The following MEP1A variants were observed in gnomAD, a reference collection of about 807,000 sequenced individuals.
MEP1A encodes the protein N-benzoyl-L-tyrosyl-P-amino-benzoic acid hydrolase subunit alpha.
Under a neutral mutation model 84.5 loss-of-function variants are expected in MEP1A, and 68 were observed. The observed-to-expected ratio is 0.80, with a 90% CI of 0.66 to 0.98. The LOEUF (loss-of-function observed/expected upper bound fraction) is 0.98. MEP1A is among the 50% of genes least tolerant of loss of function. The pLI is 0.00. For synonymous variants in MEP1A, 337 were observed against 336.8 expected, an observed-to-expected ratio of 1.00 and a Z score of -0.01; for missense variants, 887 against 919.9, an observed-to-expected ratio of 0.96 and a Z score of 0.46.
intron 5 of MEP1A, among the ~76,000 whole-genome samples, 163 bp from the exon 6 acceptor site, chr6:46,809,257 C>A (rs1767432792): frequency 6.6e-6 from 1 of 152,086 alleles, no homozygotes; most frequent in Non-Finnish European, 1.5e-5. Flanking sequence ...TGTCCACAAC[C>A]AATTTTGCAG....
At chr6:46,797,790 TTCTCTTTCTTTCTTTCTTTC>T (rs1767080329) in intron 3 of MEP1A, among the ~76,000 whole-genome samples, 3 of 120,602 alleles carry the variant, frequency 2.5e-5, no homozygotes, top group Non-Finnish European at 3.5e-5. Context: ...CTTTCTTTCT[TTCTCTTTCTTTCTTTCTTTC>T]TTTCTTTCTT....
Position 46,835,441 on chromosome 6 carries a change from G to A in MEP1A, c.1976G>A (p.Gly659Asp). The change falls in exon 13 of 14, where the codon GGC becomes GAC. Residue 659 changes from glycine to aspartate, a missense_variant. Gly to Asp is a moderately conservative substitution (Grantham distance 94). Transcript: ENST00000230588. ...SRQKRSVENT[G>D]PLEDHNWPQY... is the part of the protein sequence containing the mutation. Reference sequence around the variant, plus strand: ...CAGAAGCGGTCGGTGGAGAACACAGGCCCCCTGGAGGACCATAACTGGCCA... The same window carrying A: ...CAGAAGCGGTCGGTGGAGAACACAGACCCCCTGGAGGACCATAACTGGCCA... The A allele has an allele frequency of 6.2e-7, 1 of 1,612,340 alleles. No individual in the cohort carries two copies. Among genetic ancestry groups the A allele is most frequent in the Non-Finnish European group, 8.5e-7 (1 of 1,179,274 alleles).
At chr6:46,810,139 A>T (rs181081867) in intron 6 of MEP1A, among the ~76,000 whole-genome samples, 5 of 151,954 alleles carry the variant, frequency 3.3e-5, no homozygotes, top group East Asian at 3.9e-4. Flanking sequence ...ATTTTTAAAA[A>T]TTTTTTAATT....
At chr6:46,805,076 C>T (rs1259196824) in intron 5 of MEP1A, among the ~76,000 whole-genome samples, 1 of 151,824 alleles carries the variant, frequency 6.6e-6, no homozygotes, top group African/African-American at 2.4e-5. Flanking sequence ...CTTGTTTAAT[C>T]ATTCTCTTCG....
chr6:46,831,360 T>G (rs1768070798), intron 10 of MEP1A, among the ~76,000 whole-genome samples: 2 of 152,192 alleles, frequency 1.3e-5, no homozygotes, highest in South Asian at 4.1e-4. Context: ...TATACAAACT[T>G]ACATGAAAAA....
chr6:46,837,684 A>G (rs930257575), intron 13 of MEP1A, among the ~76,000 whole-genome samples: 5 of 152,206 alleles, frequency 3.3e-5, no homozygotes, highest in African/African-American at 1.2e-4. Context: ...TTGCTCTCCT[A>G]GAAACCTGCA....
intron 9 of MEP1A, among the ~76,000 whole-genome samples, chr6:46,827,675 G>A (rs1406238368): frequency 6.6e-6 from 1 of 152,066 alleles, no homozygotes; most frequent in Non-Finnish European, 1.5e-5. Context: ...TTTGGAAGAG[G>A]GTAAAAGCTT....
chr6:46,827,335 T>A (rs1051759948), intron 9 of MEP1A, among the ~76,000 whole-genome samples: 6 of 152,240 alleles, frequency 3.9e-5, no homozygotes, highest in African/African-American at 1.4e-4. Flanking sequence ...AGATAATGCA[T>A]ACAAAGCCCC....
intron 3 of MEP1A, among the ~76,000 whole-genome samples, chr6:46,795,098 A>C (rs1171675272): frequency 1.3e-5 from 2 of 152,116 alleles, no homozygotes; most frequent in Non-Finnish European, 2.9e-5. Context: ...TTGCCTCACA[A>C]GGCTGAGTAA....
At chr6:46,799,693 C>A (rs910811509) in intron 5 of MEP1A, among the ~76,000 whole-genome samples, 3 of 152,144 alleles carry the variant, frequency 2.0e-5, no homozygotes, top group Non-Finnish European at 4.4e-5. Context: ...GAATATGTTA[C>A]ATTTTACTCA....
downstream of MEP1A, among the ~76,000 whole-genome samples, chr6:46,843,269 C>T (rs557719276): frequency 6.6e-6 from 1 of 152,270 alleles, no homozygotes; most frequent in African/African-American, 2.4e-5. Context: ...TGACAAATGT[C>T]CCCCTGAGGG....
chr6:46,803,568 G>T (rs1767243715), intron 5 of MEP1A, among the ~76,000 whole-genome samples: 1 of 151,090 alleles, frequency 6.6e-6, no homozygotes, highest in East Asian at 1.9e-4. Flanking sequence ...TTGCTTCTCT[G>T]CTTTATATTT....
intron 6 of MEP1A, among the ~76,000 whole-genome samples, chr6:46,810,731 C>A (rs1767477523): frequency 6.6e-6 from 1 of 152,044 alleles, no homozygotes; most frequent in African/African-American, 2.4e-5. Context: ...GATGTCATTT[C>A]CCCACTTTAT....
Position 46,839,114 on chromosome 6 carries a change from T to C in MEP1A, c.2219T>C (p.Leu740Pro), listed in dbSNP as rs1768281355. The change falls in exon 14 of 14, where the codon CTT becomes CCT. Residue 740 changes from leucine to proline, a missense_variant. Transcript: ENST00000230588. ...TTGACCTTCTCCATCATCGCCATCC[T>C]TTCCCAAAGGCCAAGGAAGTGACCT... ...IFLTFSIIAI[L>P]SQRPRK is the part of the protein sequence containing the mutation. The C allele has an allele frequency of 8.1e-6, 13 of 1,612,658 alleles. No homozygotes were observed. Among genetic ancestry groups the C allele is most frequent in the Non-Finnish European group, 1.1e-5 (13 of 1,179,726 alleles).
At chr6:46,828,584 ACCTCTT>A (rs1768000152) in intron 9 of MEP1A, among the ~76,000 whole-genome samples, 1 of 152,060 alleles carries the variant, frequency 6.6e-6, no homozygotes, top group Admixed American at 6.5e-5. Context: ...AGTATAAAGA[ACCTCTT>A]CATATGCAAG....
chr6:46,840,436 G>T (rs545681761), downstream of MEP1A, among the ~76,000 whole-genome samples: 3 of 152,204 alleles, frequency 2.0e-5, no homozygotes, highest in East Asian at 3.9e-4. Context: ...CAAGATATAA[G>T]AATGTGCCAG....
chr6:46,834,933 A>T (rs1485291620), intron 12 of MEP1A, among the ~76,000 whole-genome samples, 182 bp downstream of exon 12: 1 of 152,218 alleles, frequency 6.6e-6, no homozygotes, highest in Non-Finnish European at 1.5e-5. Flanking sequence ...CCTTGAAAGA[A>T]ACTGAAATTT....
chr6:46,825,954 T>A (rs1396047717), intron 8 of MEP1A, among the ~76,000 whole-genome samples: 6 of 152,196 alleles, frequency 3.9e-5, no homozygotes, highest in Non-Finnish European at 5.9e-5. Context: ...AGTAATCTAA[T>A]CCTCTGGGGC....
Position 46,819,591 on chromosome 6 carries a change from C to T in MEP1A, c.443C>T (p.Ala148Val). 1 of 1,614,036 alleles carries T rather than the reference C, an allele frequency of 6.2e-7. No homozygotes were observed. Among genetic ancestry groups the T allele is most frequent in the Admixed American group, 1.7e-5 (1 of 60,002 alleles). ...GQNISIGQGC[A>V]YKAIIEHEIL... The stretch of plus-strand genomic sequence containing the variant: ...AACATTTCCATTGGCCAAGGATGTG[C>T]CTATAAGGCCATCATAGAACACGAG... The change falls in exon 7 of 14, where the codon GCC becomes GTC. Residue 148 changes from alanine (A) to valine (V), a missense_variant. Physicochemically the swap from Ala to Val is moderately conservative, Grantham distance 64 (BLOSUM62 0). Transcript: ENST00000230588.
Sources: allele counts gnomAD v4.1 joint callset (sites outside exome capture counted in the v4.1 genomes callset), GRCh38; gene constraint gnomAD v4.1.1; transcripts MANE v1.5; gene names NCBI Gene and HGNC (gene_info 2026-07-23, HGNC 2026-07-21).